Variants in AFG3L2 observed in about 807,000 individuals in gnomAD.
AFG3L2 encodes the protein mitochondrial inner membrane m-AAA protease component AFG3L2.
Under a neutral mutation model 94.5 loss-of-function variants are expected in AFG3L2, and 54 were observed. The ratio of observed to expected loss-of-function variants is 0.57; its 90% confidence interval spans 0.46 to 0.72. The LOEUF is 0.72. Among genes scored for constraint, AFG3L2 ranks in the 30% least tolerant of loss-of-function variants. The probability of loss-of-function intolerance (pLI) is 0.00; values close to 1 mark genes in which losing one functional copy is unlikely to be tolerated. For synonymous variants in AFG3L2, 377 were observed against 365.5 expected, an observed-to-expected ratio of 1.03 and a Z score of -0.36; for missense variants, 754 against 994.9, an observed-to-expected ratio of 0.76 and a Z score of 3.26.
At chr18:12,354,141 C>T (rs201034406) in intron 9 of AFG3L2, among the ~76,000 whole-genome samples, 6 of 134,956 alleles carry the variant, frequency 4.4e-5, no homozygotes, top group African/African-American at 9.0e-5. Context: ...CACCCCCCCC[C>T]CCCCACTTCA....
chr18:12,366,557 C>T (rs1908813483), intron 5 of AFG3L2, among the ~76,000 whole-genome samples: 1 of 152,112 alleles, frequency 6.6e-6, no homozygotes, highest in Non-Finnish European at 1.5e-5. Context: ...CCACAGAGGG[C>T]CCAAAGAGGC....
chr18:12,371,554 A>G, intron 2 of AFG3L2, 38 bp downstream of exon 2: 8 of 1,570,554 alleles, frequency 5.1e-6, no homozygotes, highest in Non-Finnish European at 7.0e-6. Context: ...GACCCAACCT[A>G]AGAATGTAGA....
intron 14 of AFG3L2, 154 bp downstream of exon 14, chr18:12,343,978 G>A: frequency 1.4e-6 from 1 of 690,536 alleles, no homozygotes; most frequent in East Asian, 2.7e-5. Flanking sequence ...CTATGGGACG[G>A]TTTGTGCAAC....
chr18:12,358,059 T>C (rs140043631), intron 8 of AFG3L2, among the ~76,000 whole-genome samples: 21 of 152,352 alleles, frequency 1.4e-4, no homozygotes, highest in African/African-American at 4.8e-4. Flanking sequence ...AAGTAAAATT[T>C]ATTCATGGAC....
At chr18:12,353,783 AAAGAC>A (rs1398713197) in intron 9 of AFG3L2, among the ~76,000 whole-genome samples, 2 of 152,230 alleles carry the variant, frequency 1.3e-5, no homozygotes, top group East Asian at 3.8e-4. Flanking sequence ...ATACCTAAAC[AAAGAC>A]AACACAGTAG....
chr18:12,349,048 T>C (rs533571764), intron 12 of AFG3L2, among the ~76,000 whole-genome samples: 1 of 152,364 alleles, frequency 6.6e-6, no homozygotes, highest in African/African-American at 2.4e-5. Flanking sequence ...TATAATCTTT[T>C]CATACTTCTC....
chr18:12,345,517 G>A (rs1046709036), intron 13 of AFG3L2, among the ~76,000 whole-genome samples: 7 of 152,196 alleles, frequency 4.6e-5, no homozygotes, highest in South Asian at 2.1e-4. Context: ...GCCACAGGGC[G>A]GGAAGTTACA....
intron 5 of AFG3L2, among the ~76,000 whole-genome samples, chr18:12,365,471 CTGGAAGATGG>C (rs1315126250): frequency 6.6e-6 from 1 of 152,186 alleles, no homozygotes; most frequent in Non-Finnish European, 1.5e-5. Flanking sequence ...TAAAAGGACT[CTGGAAGATGG>C]TGGCATAAGG....
At chr18:12,337,234 A>C in intron 16 of AFG3L2, 107 bp downstream of exon 16, 1 of 988,646 alleles carries the variant, frequency 1.0e-6, no homozygotes, top group Non-Finnish European at 1.6e-6. Flanking sequence ...TGGGTGAGCC[A>C]GAGAGAGGGA....
At chr18:12,366,624 G>A (rs1014469159) in intron 5 of AFG3L2, among the ~76,000 whole-genome samples, 3 of 151,982 alleles carry the variant, frequency 2.0e-5, no homozygotes, top group East Asian at 1.9e-4. Context: ...CACAGAGCAG[G>A]GGCAGAGGCT....
chr18:12,350,334 A>G (rs1383162215), intron 12 of AFG3L2, among the ~76,000 whole-genome samples: 1 of 152,160 alleles, frequency 6.6e-6, no homozygotes. Context: ...AATTATAGTG[A>G]TGGTTGTACA....
chr18:12,366,611 T>C (rs1547858), intron 5 of AFG3L2, among the ~76,000 whole-genome samples: 45,816 of 151,490 alleles, frequency 0.3, 8,293 homozygotes, highest in African/African-American at 0.49. Flanking sequence ...TGGCACATGA[T>C]AGCACAGAGC....
intron 1 of AFG3L2, among the ~76,000 whole-genome samples, chr18:12,376,652 C>A (rs998398729): frequency 1.3e-5 from 2 of 152,252 alleles, no homozygotes; most frequent in African/African-American, 4.8e-5. Context: ...GTTCCGTGCT[C>A]CGGGGACACG....
intron 3 of AFG3L2, among the ~76,000 whole-genome samples, chr18:12,369,539 T>A (rs1010163593): frequency 1.3e-5 from 2 of 150,804 alleles, no homozygotes; most frequent in African/African-American, 4.9e-5. Context: ...AAGACCAGCT[T>A]GGCCAACATG....
chr18:12,335,093 T>G (rs1358648818), intron 16 of AFG3L2, among the ~76,000 whole-genome samples: 1 of 152,124 alleles, frequency 6.6e-6, no homozygotes, highest in East Asian at 1.9e-4. Flanking sequence ...CCAGGTGGCC[T>G]CCCTCACTCA....
chr18:12,356,433 T>C (rs1172813610), intron 9 of AFG3L2, among the ~76,000 whole-genome samples: 3 of 152,220 alleles, frequency 2.0e-5, no homozygotes. Flanking sequence ...ATTACAGGCA[T>C]GAGCCACCGC....
chr18:12,340,510 C>T (rs978989317), intron 14 of AFG3L2, 109 bp from the exon 15 acceptor site: 2 of 860,152 alleles, frequency 2.3e-6, no homozygotes, highest in Admixed American at 3.6e-5. Context: ...ACAACAGCCG[C>T]ACAGTTCATC....
chr18:12,371,597 G>A lies in AFG3L2; in HGVS notation c.209C>T (p.Pro70Leu), dbSNP rs754215399. ...AGCCACACCTAAGCATTTACCTTTT[G>A]GGGGTCGAGAACAGAATCTTTGATA... Reference protein sequence around the residue: ...AAYQRFCSRPPKGFEKYFPNG... With the variant: ...AAYQRFCSRPLKGFEKYFPNG... Residue 70 changes from proline to leucine, a missense_variant, in exon 2 of 17, where the codon CCA becomes CTA. By Grantham distance (98) the Pro-to-Leu change is moderately conservative (BLOSUM62 -3). Coordinates refer to ENST00000269143, the MANE Select transcript of AFG3L2 (RefSeq NM_006796.3). 6.2e-7 allele frequency: 1 copy of A among 1,613,356 alleles called. No homozygotes were observed. Among genetic ancestry groups the A allele is most frequent in the Non-Finnish European group, 8.5e-7 (1 of 1,179,724 alleles).
At chr18:12,371,718 A>G (rs751646697) in intron 1 of AFG3L2, 27 bp from the exon 2 acceptor site, 1 of 1,587,988 alleles carries the variant, frequency 6.3e-7, no homozygotes, top group Non-Finnish European at 8.6e-7. Flanking sequence ...AAATAAAACC[A>G]TAGTTATATC....
Sources: gnomAD v4.1 joint callset for allele counts (sites outside exome capture counted in the v4.1 genomes callset) on GRCh38, gnomAD v4.1.1 for gene constraint, MANE v1.5 for transcripts, NCBI Gene and HGNC (gene_info 2026-07-23, HGNC 2026-07-21) for gene names.